GALM: variants seen among roughly 807,000 people sequenced by gnomAD.
GALM encodes aldose 1-epimerase.
In GALM, 43 loss-of-function variants were observed where a neutral mutation model predicts 37.4. The ratio of observed to expected loss-of-function variants is 1.15; its 90% CI spans 0.90 to 1.48. The LOEUF is 1.48. Ranked by LOEUF, GALM falls within the 40% of genes most tolerant of loss-of-function variation. The probability of loss-of-function intolerance (pLI) is 0.00; values close to 1 mark genes in which losing one functional copy is unlikely to be tolerated. For synonymous variants in GALM, 199 were observed against 170.6 expected, an observed-to-expected ratio of 1.17 and a Z score of -1.30; for missense variants, 456 against 419.1, an observed-to-expected ratio of 1.09 and a Z score of -0.77.
intron 4 of GALM, among the ~76,000 whole-genome samples, chr2:38,706,875 A>AAG (rs1553383199): frequency 0.07 from 883 of 12,660 alleles, 8 homozygotes; most frequent in Middle Eastern, 0.17. Context: ...TAAAAAAAAA[A>AAG]GGGGGGCGGG....
rs139136169 is a variant in GALM, at chr2:38,727,973, G to A, written c.635-1583G>A. ...CTTCTCTCCCCTGATTACAGTGGAA[G>A]CCAAGTTCCTAAAATTGCCATTTGA... On this transcript the variant is annotated intron_variant, in intron 4 of 6. Coordinates refer to ENST00000272252, the MANE Select transcript of GALM (RefSeq NM_138801.3). Among the ~76,000 whole-genome samples, 132 of 152,298 alleles carry A rather than the reference G, an allele frequency of 8.7e-4. 1 individual carries two copies. In the East Asian group the frequency reaches 0.021, roughly 25 times the overall value.
chr2:38,666,715 G>T (rs939994559), intron 1 of GALM, among the ~76,000 whole-genome samples: 1 of 152,180 alleles, frequency 6.6e-6, no homozygotes, highest in Admixed American at 6.5e-5. Flanking sequence ...AGGCAAGAGG[G>T]GGTGTGGCTC....
At chr2:38,724,486 T>C (rs893957018) in intron 4 of GALM, among the ~76,000 whole-genome samples, 1 of 152,150 alleles carries the variant, frequency 6.6e-6, no homozygotes, top group Non-Finnish European at 1.5e-5. Flanking sequence ...GGAACATTCA[T>C]TCTAGTTATG....
At chr2:38,716,731 C>A (rs1666276082) in intron 4 of GALM, among the ~76,000 whole-genome samples, 1 of 152,156 alleles carries the variant, frequency 6.6e-6, no homozygotes, top group South Asian at 2.1e-4. Context: ...GTAGTCCCAG[C>A]TACTCAAGAG....
At position 38,733,957 on chromosome 2, in the gene GALM, A is replaced by T. The variant is rs1666656477; in HGVS notation, c.*392A>T. ...TTTATTTCCTCCTCCTTCACCTCCAACCACTGTCAGCAGCACTCTGGAGTT... is the reference window on the plus strand; with the variant it reads ...TTTATTTCCTCCTCCTTCACCTCCATCCACTGTCAGCAGCACTCTGGAGTT... On this transcript the variant is annotated 3_prime_UTR_variant, in exon 7 of 7. Transcript: ENST00000272252. The T allele has an allele frequency of 3.4e-6, 1 of 292,892 alleles. No homozygotes were observed. The highest frequency in any genetic ancestry group is 6.7e-6 in the Non-Finnish European group (1 of 148,674). 18.1% of individuals were successfully genotyped at this position (292,892 alleles called of 1,614,324 possible).
At chr2:38,671,633 G>A (rs1362187415) in intron 1 of GALM, among the ~76,000 whole-genome samples, 1 of 152,150 alleles carries the variant, frequency 6.6e-6, no homozygotes, top group Non-Finnish European at 1.5e-5. Context: ...TTTGAAGGTA[G>A]TATAAAATTT....
At position 38,728,184 on chromosome 2, in the gene GALM, A is replaced by G. The variant is rs937228448; in HGVS notation, c.635-1372A>G. ...CAAGGCAGGTGGACCACCTGAGGTC[A>G]GGAGTTGGAGACTAGCCTGGCCAAC... On this transcript the variant is annotated intron_variant, in intron 4 of 6. Coordinates refer to ENST00000272252, the MANE Select transcript of GALM (RefSeq NM_138801.3). 9.8e-5 allele frequency among the ~76,000 whole-genome samples: 15 copies of G among 152,324 alleles called. No homozygotes were observed. The South Asian group carries it at 1.4e-3, about 15-fold the overall frequency.
At chr2:38,676,566 C>T (rs1413838663) in intron 2 of GALM, among the ~76,000 whole-genome samples, 1 of 152,118 alleles carries the variant, frequency 6.6e-6, no homozygotes, top group East Asian at 1.9e-4. Context: ...AGTTTAAGAC[C>T]AGCCTGGCCA....
intron 1 of GALM, among the ~76,000 whole-genome samples, chr2:38,673,150 T>C (rs1475024861): frequency 6.6e-6 from 1 of 152,160 alleles, no homozygotes; most frequent in Non-Finnish European, 1.5e-5. Context: ...ACCCAACCAG[T>C]TGGGTAATGG....
rs192276271 is a variant in GALM, at chr2:38,699,106, G to C, written c.634+9212G>C. Among the ~76,000 whole-genome samples the C allele has an allele frequency of 1.9e-4, 29 of 150,256 alleles. 1 individual carries two copies. The highest frequency in any genetic ancestry group is 5.9e-4 in the African/African-American group (24 of 40,786). The stretch of plus-strand genomic sequence containing the variant: ...TTTTTGTATTTTTAGTAGAGACGGG[G>C]TTTCACCATGTTGGCCAGGCTGGTT... On this transcript the variant is annotated intron_variant, in intron 4 of 6. Coordinates refer to ENST00000272252, the MANE Select transcript of GALM (RefSeq NM_138801.3).
At chr2:38,667,689 T>A (rs547544948) in intron 1 of GALM, among the ~76,000 whole-genome samples, 1 of 152,004 alleles carries the variant, frequency 6.6e-6, no homozygotes, top group African/African-American at 2.4e-5. Context: ...TTTCACCATG[T>A]TGGCCAGGCT....
At chr2:38,728,636 G>T (rs1412443151) in intron 4 of GALM, among the ~76,000 whole-genome samples, 1 of 152,232 alleles carries the variant, frequency 6.6e-6, no homozygotes, top group Non-Finnish European at 1.5e-5. Context: ...ACTGAGCTGA[G>T]ATCGCGCCAC....
chr2:38,669,862 AC>A, intron 1 of GALM, among the ~76,000 whole-genome samples: 1 of 149,758 alleles, frequency 6.7e-6, no homozygotes, highest in Non-Finnish European at 1.5e-5. Context: ...ACAAAGCAAG[AC>A]TTCATCTCAA....
At chr2:38,700,812 C>T (rs1665902907) in intron 4 of GALM, among the ~76,000 whole-genome samples, 1 of 152,118 alleles carries the variant, frequency 6.6e-6, no homozygotes, top group African/African-American at 2.4e-5. Context: ...TTCTTCCCCT[C>T]TTATTGTTCA....
rs1665252336 is a variant in GALM at position 38,676,041 on chromosome 2, A to G, written c.320A>G (p.His107Arg). ...ATTAACAAGGAACCCAACAGTCTGC[A>G]TGGAGGAGTCAGAGGGTTTGATAAA... ...LAINKEPNSL[H>R]GGVRGFDKVL... Residue 107 changes from histidine (H) to arginine (R), a missense_variant, in exon 2 of 7, where the codon CAT becomes CGT. Coordinates refer to ENST00000272252, the MANE Select transcript of GALM (RefSeq NM_138801.3). The G allele has an allele frequency of 6.2e-7, 1 of 1,614,106 alleles. No homozygotes were observed. Among genetic ancestry groups the G allele is most frequent in the Non-Finnish European group, 8.5e-7 (1 of 1,180,020 alleles).
intron 4 of GALM, among the ~76,000 whole-genome samples, chr2:38,719,375 C>G (rs144418965): frequency 0.021 from 3,219 of 150,200 alleles, 131 homozygotes; most frequent in African/African-American, 0.075. Flanking sequence ...GAGGCTGAGG[C>G]AAATAATTGC....
chr2:38,695,118 C>T (rs1665776245), intron 4 of GALM, among the ~76,000 whole-genome samples: 1 of 151,698 alleles, frequency 6.6e-6, no homozygotes, highest in African/African-American at 2.4e-5. Context: ...GAAAAATCAC[C>T]TTCGGTAGAA....
intron 3 of GALM, among the ~76,000 whole-genome samples, chr2:38,686,842 T>A (rs541817409): frequency 6.6e-6 from 1 of 152,124 alleles, no homozygotes; most frequent in South Asian, 2.1e-4. Context: ...AGGCCAGGAG[T>A]CTGGAGAATG....
rs748991004 is a variant in GALM at position 38,689,840 on chromosome 2, G to C, written c.580G>C (p.Val194Leu). Residue 194 changes from valine to leucine, a missense_variant, in exon 4 of 7, where the codon GTC becomes CTC. Transcript: ENST00000272252. ...TTCCCCAAATATAAATGACCATGAA[G>C]TCACCATAGAAGCGGATACTTATTT... Reference protein sequence around the residue: ...QASPNINDHEVTIEADTYLPV... With the variant: ...QASPNINDHELTIEADTYLPV... 6.2e-7 allele frequency: 1 copy of C among 1,610,510 alleles called. No homozygotes were observed. The highest frequency in any genetic ancestry group is 2.2e-5 in the East Asian group (1 of 44,774).
Sources: gnomAD v4.1 joint callset for allele counts (sites outside exome capture counted in the v4.1 genomes callset) on GRCh38, gnomAD v4.1.1 for gene constraint, MANE v1.5 for transcripts, NCBI Gene and HGNC (gene_info 2026-07-23, HGNC 2026-07-21) for gene names.